Variants in RBM44 observed in about 807,000 individuals in gnomAD.
The protein encoded by RBM44 is RNA-binding protein 44.
A neutral mutation model predicts 105.1 loss-of-function variants in RBM44; 66 were observed. The ratio of observed to expected loss-of-function variants is 0.63; its 90% CI spans 0.52 to 0.77. The LOEUF is 0.77. Ranked by LOEUF, RBM44 falls within the 30% of genes least tolerant of loss-of-function variation. The pLI is 0.00. For synonymous variants in RBM44, 365 were observed against 417.6 expected, an observed-to-expected ratio of 0.87 and a Z score of 1.54; for missense variants, 1,122 against 1,207.8, an observed-to-expected ratio of 0.93 and a Z score of 1.05.
chr2:237,805,552 A>C (rs1156769756), intron 1 of RBM44, among the ~76,000 whole-genome samples: 1 of 152,246 alleles, frequency 6.6e-6, no homozygotes, highest in Non-Finnish European at 1.5e-5. Flanking sequence ...GGACTCCCTT[A>C]TTCAATAAAT....
At chr2:237,801,555 G>C (rs2061546421) in intron 1 of RBM44, among the ~76,000 whole-genome samples, 1 of 152,016 alleles carries the variant, frequency 6.6e-6, no homozygotes, top group Non-Finnish European at 1.5e-5. Flanking sequence ...TGGAACTCCT[G>C]AGCTCAAGTG....
At chr2:237,835,860 C>G (rs1417356686) in intron 15 of RBM44, among the ~76,000 whole-genome samples, 1 of 151,992 alleles carries the variant, frequency 6.6e-6, no homozygotes, top group East Asian at 1.9e-4. Context: ...TCCTTCACCC[C>G]ACTCCCACCC....
intron 2 of RBM44, among the ~76,000 whole-genome samples, chr2:237,814,082 C>T (rs2061686871): frequency 6.6e-6 from 1 of 152,006 alleles, no homozygotes; most frequent in African/African-American, 2.4e-5. Context: ...TAAGAAATAG[C>T]AAGAGTCTAA....
chr2:237,823,400 A>T (rs2061814446), intron 8 of RBM44, 40 bp from the exon 9 acceptor site: 2 of 896,096 alleles, frequency 2.2e-6, no homozygotes, highest in Non-Finnish European at 3.5e-6. Flanking sequence ...CATAATAATT[A>T]TTTGCCCTTA....
At chr2:237,816,431 A>C (rs979557219) in intron 2 of RBM44, among the ~76,000 whole-genome samples, 2 of 152,198 alleles carry the variant, frequency 1.3e-5, no homozygotes, top group African/African-American at 2.4e-5. Flanking sequence ...TTTTACAAAC[A>C]GTGGCTGCCC....
chr2:237,802,603 A>G (rs2061556608), intron 1 of RBM44, among the ~76,000 whole-genome samples: 1 of 152,188 alleles, frequency 6.6e-6, no homozygotes, highest in Non-Finnish European at 1.5e-5. Context: ...TATATCAGGT[A>G]AGTTTGGGAA....
At chr2:237,815,989 C>T (rs1160442466) in intron 2 of RBM44, among the ~76,000 whole-genome samples, 1 of 152,110 alleles carries the variant, frequency 6.6e-6, no homozygotes, top group Non-Finnish European at 1.5e-5. Flanking sequence ...AGCCAAACTT[C>T]TTAGCACATC....
chr2:237,809,664 A>G (rs2061636830), intron 1 of RBM44, among the ~76,000 whole-genome samples: 1 of 152,222 alleles, frequency 6.6e-6, no homozygotes, highest in Non-Finnish European at 1.5e-5. Context: ...AGGTAATTAC[A>G]TTCAAGTTCA....
chr2:237,826,426 A>G (rs957801323), intron 10 of RBM44, among the ~76,000 whole-genome samples: 2 of 152,134 alleles, frequency 1.3e-5, no homozygotes, highest in African/African-American at 4.8e-5. Flanking sequence ...TAATCCTAGT[A>G]TTTGTAATTT....
At chr2:237,830,006 T>C (rs78726074) in intron 13 of RBM44, among the ~76,000 whole-genome samples, 3,694 of 152,112 alleles carry the variant, frequency 0.024, 58 homozygotes, top group Middle Eastern at 0.085. Context: ...AAAAAAAAAA[T>C]TACGCACAGT....
chr2:237,820,526 A>G lies in RBM44; in HGVS notation c.1913+175A>G, dbSNP rs373290238. ...CCCTTGAGTTTCATGGAGGGGCCACAGTGCGTGGTTGGCATGATGAATCCA... is the reference window on the plus strand; with the variant it reads ...CCCTTGAGTTTCATGGAGGGGCCACGGTGCGTGGTTGGCATGATGAATCCA... On this transcript the variant is annotated intron_variant, in intron 5 of 15. Coordinates refer to ENST00000316997, the MANE Select transcript of RBM44 (RefSeq NM_001080504.3). 70 of 451,910 alleles carry G rather than the reference A, an allele frequency of 1.5e-4. 1 individual carries two copies. The highest frequency in any genetic ancestry group is 1.2e-3 in the African/African-American group (60 of 48,976). 28.0% of individuals were successfully genotyped at this position (451,910 alleles called of 1,614,324 possible).
intron 1 of RBM44, among the ~76,000 whole-genome samples, chr2:237,813,051 C>A (rs2061674889): frequency 6.6e-6 from 1 of 152,134 alleles, no homozygotes; most frequent in South Asian, 2.1e-4. Flanking sequence ...TCAAGTGTCA[C>A]AACCATCCCA....
intron 1 of RBM44, among the ~76,000 whole-genome samples, chr2:237,809,166 T>TA (rs1244014249): frequency 1.3e-5 from 2 of 152,136 alleles, no homozygotes; most frequent in Admixed American, 1.3e-4. Context: ...AGTCTATATA[T>TA]TTTTTTAATA....
chr2:237,818,763 G>T lies in RBM44; in HGVS notation c.1678-138G>T. 1 of 640,898 alleles carries T rather than the reference G, an allele frequency of 1.6e-6. No homozygotes were observed. Among genetic ancestry groups the T allele is most frequent in the Non-Finnish European group, 2.6e-6 (1 of 387,362 alleles). The allele number at this position is 640,898 out of a possible 1,614,324, so 39.7% of individuals were successfully genotyped here. On this transcript the variant is annotated intron_variant, in intron 3 of 15. Coordinates refer to ENST00000316997, the MANE Select transcript of RBM44 (RefSeq NM_001080504.3). The surrounding 1 kb of genome is among the most constrained non-coding windows in gnomAD (Gnocchi z 4.6). Reference sequence around the variant, plus strand: ...AAAAAGTAAATTAAAAAAAAAAGACGTGTAAATTACCACCAGTTCTATCCT... The same window carrying T: ...AAAAAGTAAATTAAAAAAAAAAGACTTGTAAATTACCACCAGTTCTATCCT...
In RBM44 at chr2:237,817,672, T is replaced by A. The variant is rs2061735171; in HGVS notation, c.753T>A (p.Asp251Glu). Reference protein sequence around the residue: ...SGSIISFDSLDVYGQEESLHV... With the variant: ...SGSIISFDSLEVYGQEESLHV... ...CTATCATCTCTTTCGATTCACTTGATGTTTATGGACAAGAAGAGTCACTTC... is the reference window on the plus strand; with the variant it reads ...CTATCATCTCTTTCGATTCACTTGAAGTTTATGGACAAGAAGAGTCACTTC... The change falls in exon 3 of 16, where the codon GAT becomes GAA. Residue 251 changes from aspartate to glutamate, a missense_variant. Around this residue, in one of 3 missense-constraint regions of RBM44, gnomAD observed 918 missense variants for 955.3 expected, o/e 0.96. Coordinates refer to ENST00000316997, the MANE Select transcript of RBM44 (RefSeq NM_001080504.3). 1.2e-6 allele frequency: 2 copies of A among 1,612,762 alleles called. No homozygotes were observed. The highest frequency in any genetic ancestry group is 1.7e-6 in the Non-Finnish European group (2 of 1,179,252).
At chr2:237,804,080 G>A (rs1303643484) in intron 1 of RBM44, among the ~76,000 whole-genome samples, 1 of 152,056 alleles carries the variant, frequency 6.6e-6, no homozygotes, top group Non-Finnish European at 1.5e-5. Context: ...ATGTTGGCCA[G>A]GCTGGTCTCA....
chr2:237,838,694 C>T (rs1433433177), intron 15 of RBM44, among the ~76,000 whole-genome samples: 2 of 152,084 alleles, frequency 1.3e-5, no homozygotes, highest in Admixed American at 1.3e-4. Flanking sequence ...TCACATTACT[C>T]AGTATATAGA....
intron 13 of RBM44, among the ~76,000 whole-genome samples, chr2:237,832,360 C>T (rs2061912673): frequency 6.6e-6 from 1 of 152,052 alleles, no homozygotes; most frequent in African/African-American, 2.4e-5. Context: ...TGCTATGTTG[C>T]CCAGGCTGGT....
rs761349817 is a variant in RBM44 at position 237,813,642 on chromosome 2, T to C, written c.33T>C (p.Ser11=). 3.1e-6 allele frequency: 5 copies of C among 1,611,878 alleles called. No homozygotes were observed. In the Admixed American group the frequency reaches 8.3e-5, roughly 27 times the overall value. ...CCACTGCAGTGGTGGAGACAGCATC[T>C]GGTAAAGGCTACCACAGTAATGGAG... The part of the protein sequence containing the change: MQATAVVETA[S]GKGYHSNGGN... Residue 11 remains serine, a synonymous_variant, in exon 2 of 16, where the codon TCT becomes TCC. Transcript: ENST00000316997.
Sources: allele counts gnomAD v4.1 joint callset (sites outside exome capture counted in the v4.1 genomes callset), GRCh38; gene constraint gnomAD v4.1.1; regional missense constraint gnomAD v4.1.1; non-coding constraint Gnocchi (gnomAD v3.1); transcripts MANE v1.5; gene names NCBI Gene and HGNC (gene_info 2026-07-23, HGNC 2026-07-21).